The following CADM4 variants were observed in gnomAD, a reference collection of about 807,000 sequenced individuals.
The protein encoded by CADM4 is cell adhesion molecule 4, also known as TSLC1-like 2.
A neutral mutation model predicts 43.9 loss-of-function variants in CADM4; 13 were observed. That is an observed-to-expected ratio of 0.30 (90% confidence interval 0.19 to 0.47). The LOEUF (loss-of-function observed/expected upper bound fraction) is 0.47. Ranked by LOEUF, CADM4 falls within the 20% of genes least tolerant of loss-of-function variation. CADM4 has a pLI of 1.00. For missense variants in CADM4, 420 were observed against 527.0 expected, an observed-to-expected ratio of 0.80 and a Z score of 1.99; for synonymous variants, 209 against 220.9, an observed-to-expected ratio of 0.95 and a Z score of 0.48.
At chr19:43,634,034 T>C (rs1973666920) in intron 1 of CADM4, among the ~76,000 whole-genome samples, 1 of 152,032 alleles carries the variant, frequency 6.6e-6, no homozygotes, top group Non-Finnish European at 1.5e-5. Context: ...CTTTGTGACA[T>C]CATTATTTTC....
intron 1 of CADM4, among the ~76,000 whole-genome samples, chr19:43,631,071 G>A (rs552689658): frequency 3.9e-5 from 6 of 152,238 alleles, no homozygotes; most frequent in South Asian, 4.2e-4. Flanking sequence ...GGCTGGGCAC[G>A]GTGGCTCACA....
At position 43,639,768 on chromosome 19, in the gene CADM4, T is replaced by G. The variant is rs912290127; in HGVS notation, c.23A>C (p.Gln8Pro). ...CGCCCACAGCAGCAGCAGCGGCCAC[T>G]GGAAGCGCCGGGCCCGGCCCATGGT... is the stretch of plus-strand genomic sequence containing the variant. MGRARRF[Q>P]WPLLLLWAAA... Residue 8 changes from glutamine to proline, a missense_variant, in exon 1 of 9, where the codon CAG (glutamine) becomes CCG (proline). Physicochemically the swap from Gln to Pro is moderately conservative, Grantham distance 76 (BLOSUM62 -1). Coordinates refer to ENST00000222374, the MANE Select transcript of CADM4 (RefSeq NM_145296.2). The G allele has an allele frequency of 1.4e-5, 14 of 1,023,536 alleles. No homozygotes were observed. In the African/African-American group the frequency reaches 2.3e-4, roughly 17 times the overall value. The allele number at this position is 1,023,536 out of a possible 1,614,324, so 63.4% of individuals were successfully genotyped here.
Position 43,624,226 on chromosome 19 carries a change from T to C in CADM4, c.945A>G (p.Val315=), listed in dbSNP as rs1973486957. The C allele has an allele frequency of 1.2e-6, 2 of 1,614,056 alleles. No homozygotes were observed. Among genetic ancestry groups the C allele is most frequent in the Middle Eastern group, 1.6e-4 (1 of 6,084 alleles). Residue 315 remains valine, a synonymous_variant, in exon 8 of 9, where the codon GTA becomes GTG. Transcript: ENST00000222374. ...VLVVYDPGAV[V]EAQTSVPYAI... ...CATAGGGAACCGACGTCTGAGCCTC[T>C]ACCACCGCACCAGGGTCTGCCAGAG...
rs1328592372 is a variant in CADM4 at position 43,623,986 on chromosome 19, C to T, written c.1057+128G>A. On this transcript the variant is annotated intron_variant, in intron 8 of 8. Transcript: ENST00000222374. The surrounding 1 kb of genome is among the most constrained non-coding windows in gnomAD (Gnocchi z 4.4). The stretch of plus-strand genomic sequence containing the variant: ...AGCCCCGCCCCCTTTGTCATCTCCG[C>T]CCCCGGTGCGGCGGGATTTGGAATC... 1 of 1,179,696 alleles carries T rather than the reference C, an allele frequency of 8.5e-7. No homozygotes were observed. Among genetic ancestry groups the T allele is most frequent in the African/African-American group, 1.5e-5 (1 of 65,338 alleles). 73.1% of individuals were successfully genotyped at this position (1,179,696 alleles called of 1,614,324 possible).
chr19:43,640,059 C>T (rs1409738284), upstream of CADM4, among the ~76,000 whole-genome samples: 3 of 136,884 alleles, frequency 2.2e-5, no homozygotes, highest in Admixed American at 7.3e-5. Flanking sequence ...GCGACAGCGG[C>T]GTGGGAGCAG....
intron 1 of CADM4, among the ~76,000 whole-genome samples, chr19:43,633,648 TTC>T (rs1047027154): frequency 7.7e-6 from 1 of 129,474 alleles, no homozygotes; most frequent in Non-Finnish European, 1.7e-5. Flanking sequence ...TCTTTTTTCT[TTC>T]TCTCTTTCTC....
Position 43,625,004 on chromosome 19 carries a change from C to G in CADM4, c.928+74G>C, listed in dbSNP as rs1973498989. On this transcript the variant is annotated intron_variant, in intron 7 of 8. Transcript: ENST00000222374. The surrounding 1 kb of genome is among the most constrained non-coding windows in gnomAD (Gnocchi z 4.5). ...GCTGCCGAACCCCTGAGTTATGTGG[C>G]CTCTTTGCTCAAGCCCCGCCCCCGC... The G allele has an allele frequency of 1.4e-6, 2 of 1,430,302 alleles. No homozygotes were observed. The allele number at this position is 1,430,302 out of a possible 1,614,324, so 88.6% of individuals were successfully genotyped here. A position where few individuals can be genotyped will look rare whatever the true frequency, so the allele number is the denominator to read the frequency against.
chr19:43,638,711 G>C (rs1448394118), intron 1 of CADM4, among the ~76,000 whole-genome samples: 1 of 152,252 alleles, frequency 6.6e-6, no homozygotes, highest in African/African-American at 2.4e-5. Flanking sequence ...TGTGAGTCAA[G>C]CCTGGGTGTG....
At position 43,626,357 on chromosome 19, in the gene CADM4, C is replaced by T; in HGVS notation, c.500-69G>A. On this transcript the variant is annotated intron_variant, in intron 4 of 8. Transcript: ENST00000222374. This position sits in a 1 kb window ranked among gnomAD's most constrained non-coding sequence, Gnocchi z 5.9. ...CCATCCACCCACCCACCCGAGCCAACGCCAAAGCAGGCTATTTGCCAAGCT... is the reference window on the plus strand; with the variant it reads ...CCATCCACCCACCCACCCGAGCCAATGCCAAAGCAGGCTATTTGCCAAGCT... 1.9e-6 allele frequency: 3 copies of T among 1,567,582 alleles called. No homozygotes were observed. In the South Asian group the frequency reaches 3.4e-5, roughly 18 times the overall value.
intron 1 of CADM4, among the ~76,000 whole-genome samples, chr19:43,633,141 A>T (rs1354647331): frequency 6.6e-6 from 1 of 150,664 alleles, no homozygotes; most frequent in Admixed American, 6.6e-5. Flanking sequence ...TGGTGCAATC[A>T]TGGCTCACTG....
chr19:43,627,436 G>T lies in CADM4; in HGVS notation c.212-118C>A. 1 of 1,302,962 alleles carries T rather than the reference G, an allele frequency of 7.7e-7. No homozygotes were observed. The highest frequency in any genetic ancestry group is 1.0e-6 in the Non-Finnish European group (1 of 965,814). 80.7% of individuals were successfully genotyped at this position (1,302,962 alleles called of 1,614,324 possible). A position where few individuals can be genotyped will look rare whatever the true frequency, so the allele number is the denominator to read the frequency against. On this transcript the variant is annotated intron_variant, in intron 2 of 8. Transcript: ENST00000222374. The surrounding 1 kb of genome is among the most constrained non-coding windows in gnomAD (Gnocchi z 4.0). ...CTCTTTTCTCCAGCCATATCTATGAGTCTGAGGTGTCCAACTATTTACTCC... is the reference window on the plus strand; with the variant it reads ...CTCTTTTCTCCAGCCATATCTATGATTCTGAGGTGTCCAACTATTTACTCC...
chr19:43,628,698 T>C (rs1568541871), intron 1 of CADM4, among the ~76,000 whole-genome samples: 1 of 152,222 alleles, frequency 6.6e-6, no homozygotes, highest in East Asian at 1.9e-4. Flanking sequence ...AGAAGTGATA[T>C]TGAGCCTAGG....
rs747512769 is a variant in CADM4 at position 43,627,621 on chromosome 19, T to C, written c.211+23A>G. The C allele has an allele frequency of 6.2e-7, 1 of 1,605,118 alleles. No homozygotes were observed. The highest frequency in any genetic ancestry group is 1.1e-5 in the South Asian group (1 of 90,816). ...CAGCCCTCTCTTCCTTTAAGACTCC[T>C]GAGTCTGGTCCCCAGCACTCACCAC... is the stretch of plus-strand genomic sequence containing the variant. On this transcript the variant is annotated intron_variant, in intron 2 of 8. Transcript: ENST00000222374. The surrounding 1 kb of genome is among the most constrained non-coding windows in gnomAD (Gnocchi z 4.0).
At position 43,626,016 on chromosome 19, in the gene CADM4, T is replaced by G; in HGVS notation, c.665-15A>C. The G allele has an allele frequency of 6.2e-7, 1 of 1,613,860 alleles. No homozygotes were observed. Among genetic ancestry groups the G allele is most frequent in the Non-Finnish European group, 8.5e-7 (1 of 1,179,900 alleles). ...CGTGGGGGAGTCTGTTAGGCAAAAG[T>G]AAGAGGAGAGAGTAGTTTCCAAGCC... On this transcript the variant is annotated splice_polypyrimidine_tract_variant and intron_variant, in intron 5 of 8. Coordinates refer to ENST00000222374, the MANE Select transcript of CADM4 (RefSeq NM_145296.2). The surrounding 1 kb of genome is among the most constrained non-coding windows in gnomAD (Gnocchi z 5.9).
rs3842421 is a variant in CADM4, at chr19:43,625,578, AAAT to A, written c.755+330_756-329del. Among the ~76,000 whole-genome samples, 11 of 149,904 alleles carry A rather than the reference AAAT, an allele frequency of 7.3e-5. No homozygotes were observed. The highest frequency in any genetic ancestry group is 2.0e-4 in the East Asian group (1 of 5,064). ...GGGAGACCCCGTCACTACAATTAAA[AAAT>A]AATAATAATAATAATAATAATTCTA... On this transcript the variant is annotated intron_variant, in intron 6 of 8. Transcript: ENST00000222374. This position sits in a 1 kb window ranked among gnomAD's most constrained non-coding sequence, Gnocchi z 4.5.
chr19:43,625,165 GACC>G lies in CADM4; in HGVS notation c.838_840del (p.Gly280del). Reference sequence around the variant, plus strand: ...TAGGTGCCGTTATCCGCGGATACCAGACCCGGCAGCGTGAGCGTCTCTCCCACG... The same window carrying G: ...TAGGTGCCGTTATCCGCGGATACCAGCGGCAGCGTGAGCGTCTCTCCCACG... On this transcript the variant is annotated inframe_deletion, in exon 7 of 9. Coordinates refer to ENST00000222374, the MANE Select transcript of CADM4 (RefSeq NM_145296.2). The surrounding 1 kb of genome is among the most constrained non-coding windows in gnomAD (Gnocchi z 4.5). 6.2e-7 allele frequency: 1 copy of G among 1,614,212 alleles called. No homozygotes were observed. Among genetic ancestry groups the G allele is most frequent in the Non-Finnish European group, 8.5e-7 (1 of 1,180,020 alleles).
intron 1 of CADM4, among the ~76,000 whole-genome samples, chr19:43,637,174 A>G (rs1212898886): frequency 2.6e-5 from 4 of 152,116 alleles, no homozygotes; most frequent in African/African-American, 7.2e-5. Flanking sequence ...TGCTATGCTC[A>G]GAAGATGAAT....
At chr19:43,640,610 C>T (rs1200397646), upstream of CADM4, among the ~76,000 whole-genome samples, 1 of 152,060 alleles carries the variant, frequency 6.6e-6, no homozygotes, top group African/African-American at 2.4e-5. Flanking sequence ...AGCCTGAATC[C>T]TGGGTCCCAG....
At chr19:43,636,258 G>A (rs528649265) in intron 1 of CADM4, among the ~76,000 whole-genome samples, 1 of 152,174 alleles carries the variant, frequency 6.6e-6, no homozygotes, top group Non-Finnish European at 1.5e-5. Context: ...TGGGATATTC[G>A]GGACTCCCTG....
Sources: allele counts gnomAD v4.1 joint callset (sites outside exome capture counted in the v4.1 genomes callset), GRCh38; gene constraint gnomAD v4.1.1; non-coding constraint Gnocchi (gnomAD v3.1); transcripts MANE v1.5; gene names NCBI Gene and HGNC (gene_info 2026-07-23, HGNC 2026-07-21).